COLEC12: variants seen among roughly 807,000 people sequenced by gnomAD.
COLEC12 encodes collectin subfamily member 12.
In COLEC12, 33 loss-of-function variants were observed where a neutral mutation model predicts 71.1. The ratio of observed to expected loss-of-function variants is 0.46; its 90% CI spans 0.35 to 0.62. The LOEUF (loss-of-function observed/expected upper bound fraction) is 0.62. Ranked by LOEUF, COLEC12 falls within the 20% of genes least tolerant of loss-of-function variation. COLEC12 has a pLI of 0.00. For missense variants in COLEC12, 765 were observed against 916.1 expected (o/e 0.84, Z 2.13); for synonymous variants, 350 against 353.0 (o/e 0.99, Z 0.10).
rs1917384224 is a variant in COLEC12, at chr18:480,111, G to A, written c.58+596C>T. Among the ~76,000 whole-genome samples the A allele has an allele frequency of 6.6e-6, 1 of 152,054 alleles. No individual in the cohort carries two copies. Among genetic ancestry groups the A allele is most frequent in the South Asian group, 2.1e-4 (1 of 4,822 alleles). On this transcript the variant is annotated intron_variant, in intron 2 of 9. Coordinates refer to ENST00000400256, the MANE Select transcript of COLEC12 (RefSeq NM_130386.3). This position sits in a 1 kb window ranked among gnomAD's most constrained non-coding sequence, Gnocchi z 4.1. Reference sequence around the variant, plus strand: ...CAAGGACGCTTGTGATGGCTTTCAGGGCCCACCCAGGTAACCCAGGATCAT... The same window carrying A: ...CAAGGACGCTTGTGATGGCTTTCAGAGCCCACCCAGGTAACCCAGGATCAT...
At chr18:479,820 C>T (rs917982865) in intron 2 of COLEC12, among the ~76,000 whole-genome samples, 2 of 152,190 alleles carry the variant, frequency 1.3e-5, no homozygotes, top group African/African-American at 2.4e-5. Flanking sequence ...TTACCACGAA[C>T]GTGCTGGCTT....
chr18:337,123 G>A (rs572929777), intron 5 of COLEC12, among the ~76,000 whole-genome samples: 20 of 151,934 alleles, frequency 1.3e-4, no homozygotes, highest in Non-Finnish European at 1.8e-4. Context: ...CTCCCCCATC[G>A]GACTCTCCAA....
At chr18:459,640 C>T (rs750752866) in intron 2 of COLEC12, among the ~76,000 whole-genome samples, 20 of 152,210 alleles carry the variant, frequency 1.3e-4, no homozygotes, top group Non-Finnish European at 2.4e-4. Flanking sequence ...CAGCAGGTGC[C>T]CTATGCACAC....
intron 2 of COLEC12, among the ~76,000 whole-genome samples, chr18:454,111 C>T (rs1916816524): frequency 6.6e-6 from 1 of 152,218 alleles, no homozygotes; most frequent in Non-Finnish European, 1.5e-5. Context: ...TTTCCATAGA[C>T]TCCAAAGCCC....
At chr18:433,150 T>G (rs879867133) in intron 2 of COLEC12, among the ~76,000 whole-genome samples, 3 of 152,218 alleles carry the variant, frequency 2.0e-5, no homozygotes, top group Admixed American at 6.5e-5. Context: ...TGGTAGTCCT[T>G]CAAACAAGTT....
chr18:408,480 A>G lies in COLEC12; in HGVS notation c.59-50958T>C, dbSNP rs1273562439. ...GATAACAAAAACTCCTGTGGTTCATAAACAGAAAAAAAAATGTCAGATTTT... is the reference window on the plus strand; with the variant it reads ...GATAACAAAAACTCCTGTGGTTCATGAACAGAAAAAAAAATGTCAGATTTT... On this transcript the variant is annotated intron_variant, in intron 2 of 9. Transcript: ENST00000400256. The surrounding 1 kb of genome is among the most constrained non-coding windows in gnomAD (Gnocchi z 4.3). 1.3e-5 allele frequency among the ~76,000 whole-genome samples: 2 copies of G among 152,190 alleles called. No homozygotes were observed. Among genetic ancestry groups the G allele is most frequent in the African/African-American group, 4.8e-5 (2 of 41,442 alleles).
chr18:411,443 T>C (rs556862398), intron 2 of COLEC12, among the ~76,000 whole-genome samples: 2 of 152,230 alleles, frequency 1.3e-5, no homozygotes, highest in Admixed American at 1.3e-4. Context: ...GCAGCCATGA[T>C]AAATCACTTC....
chr18:322,348 A>C (rs1567872102), intron 8 of COLEC12, among the ~76,000 whole-genome samples: 3 of 152,220 alleles, frequency 2.0e-5, no homozygotes. Flanking sequence ...ATTACAAATA[A>C]CTGGTTATGA....
At chr18:429,340 T>C (rs933015726) in intron 2 of COLEC12, among the ~76,000 whole-genome samples, 1 of 152,200 alleles carries the variant, frequency 6.6e-6, no homozygotes, top group Non-Finnish European at 1.5e-5. Context: ...GCTGATTTGA[T>C]TGTAAATAAC....
At chr18:371,736 AACTTGTGTCCTG>A (rs1915004370) in intron 2 of COLEC12, among the ~76,000 whole-genome samples, 2 of 152,338 alleles carry the variant, frequency 1.3e-5, no homozygotes, top group South Asian at 4.1e-4. Flanking sequence ...GCCAGCGGGT[AACTTGTGTCCTG>A]ACAAGCTGCG....
At chr18:487,285 G>A (rs1426966445) in intron 1 of COLEC12, among the ~76,000 whole-genome samples, 1 of 152,248 alleles carries the variant, frequency 6.6e-6, no homozygotes, top group African/African-American at 2.4e-5. Context: ...TCTAGATTCA[G>A]AAAGCAATTA....
rs1916466963 is a variant in COLEC12, at chr18:439,308, A to C, written c.58+41399T>G. On this transcript the variant is annotated intron_variant, in intron 2 of 9. Transcript: ENST00000400256. ...CCACATGCCTGTACCAACCAAAATG[A>C]TATACGATCTTTGGTGCTCAGTACT... Among the ~76,000 whole-genome samples the C allele has an allele frequency of 2.6e-5, 4 of 152,206 alleles. No individual in the cohort carries two copies. In the South Asian group the frequency reaches 8.3e-4, roughly 32 times the overall value.
intron 1 of COLEC12, among the ~76,000 whole-genome samples, chr18:481,103 C>T (rs1917407202): frequency 6.6e-6 from 1 of 152,208 alleles, no homozygotes; most frequent in South Asian, 2.1e-4. Flanking sequence ...CGTGAATTTA[C>T]TGTTGTCATC....
intron 2 of COLEC12, among the ~76,000 whole-genome samples, chr18:468,000 A>C (rs924691045): frequency 6.6e-6 from 1 of 152,220 alleles, no homozygotes; most frequent in African/African-American, 2.4e-5. Flanking sequence ...GCAGTGCCTC[A>C]CACCTGTAAT....
At chr18:393,379 T>C (rs1018409430) in intron 2 of COLEC12, among the ~76,000 whole-genome samples, 4 of 151,676 alleles carry the variant, frequency 2.6e-5, no homozygotes, top group African/African-American at 9.7e-5. Context: ...CATATTTCCC[T>C]TTTTTCTTTG....
chr18:406,802 CGTT>C (rs1414427966), intron 2 of COLEC12, among the ~76,000 whole-genome samples: 2 of 152,332 alleles, frequency 1.3e-5, no homozygotes, highest in Non-Finnish European at 2.9e-5. Flanking sequence ...TCTCTTGTGT[CGTT>C]GTGTAATTAC....
intron 2 of COLEC12, among the ~76,000 whole-genome samples, chr18:413,201 A>ATT (rs1915925372): frequency 6.6e-6 from 1 of 152,226 alleles, no homozygotes; most frequent in South Asian, 2.1e-4. Context: ...ATGAAGAGAC[A>ATT]TTTGACTGAA....
chr18:437,002 T>G (rs1259874232), intron 2 of COLEC12, among the ~76,000 whole-genome samples: 2 of 152,216 alleles, frequency 1.3e-5, no homozygotes, highest in Non-Finnish European at 2.9e-5. Context: ...TTACATGAGC[T>G]AGGAGCTTCC....
chr18:358,962 CTG>C (rs1370238500), intron 2 of COLEC12, among the ~76,000 whole-genome samples: 3 of 152,204 alleles, frequency 2.0e-5, no homozygotes, highest in East Asian at 3.8e-4. Context: ...TGGCACATGA[CTG>C]TAGTTTCAAA....
Sources: allele counts gnomAD v4.1 joint callset (sites outside exome capture counted in the v4.1 genomes callset), GRCh38; gene constraint gnomAD v4.1.1; non-coding constraint Gnocchi (gnomAD v3.1); transcripts MANE v1.5; gene names NCBI Gene and HGNC (gene_info 2026-07-23, HGNC 2026-07-21).